SLC30A8: variants seen among roughly 807,000 people sequenced by gnomAD.
The protein encoded by SLC30A8 is proton-coupled zinc antiporter SLC30A8.
SLC30A8 carries 27 observed loss-of-function variants against 36.9 expected under a neutral mutation model. The observed-to-expected ratio is 0.73, with a 90% CI of 0.54 to 1.01. The LOEUF is 1.01. Ranked by LOEUF, SLC30A8 falls within the 50% of genes least tolerant of loss-of-function variation. SLC30A8 has a pLI of 0.00. For synonymous variants in SLC30A8, 164 were observed against 172.4 expected (o/e 0.95, Z 0.38); for missense variants, 439 against 452.0 (o/e 0.97, Z 0.26).
At chr8:117,156,967 G>T (rs1023934202) in intron 3 of SLC30A8, among the ~76,000 whole-genome samples, 3 of 152,118 alleles carry the variant, frequency 2.0e-5, no homozygotes, top group African/African-American at 7.2e-5. Context: ...GACCTTTCTG[G>T]GTTTTTAGAA....
At chr8:117,146,063 A>C (rs1821882195) in intron 1 of SLC30A8, among the ~76,000 whole-genome samples, 1 of 152,114 alleles carries the variant, frequency 6.6e-6, no homozygotes, top group Non-Finnish European at 1.5e-5. Flanking sequence ...GATCTGTGAG[A>C]TGACTATAGT....
chr8:117,012,342 A>T (rs1370620109), intron 1 of SLC30A8, among the ~76,000 whole-genome samples: 1 of 152,038 alleles, frequency 6.6e-6, no homozygotes. Flanking sequence ...GTATTTTAGC[A>T]GTTAATCTTC....
rs544726500 is a variant in SLC30A8, at chr8:117,107,089, A to G, written c.-225-28191A>G. Among the ~76,000 whole-genome samples, 8 of 152,292 alleles carry G rather than the reference A, an allele frequency of 5.3e-5. No individual in the cohort carries two copies. In the South Asian group the frequency reaches 1.2e-3, roughly 24 times the overall value. ...CATCCTAAGAGTTTCTCACAGGACTATTGATCTATTTTCTTATACTAGTGA... is the reference window on the plus strand; with the variant it reads ...CATCCTAAGAGTTTCTCACAGGACTGTTGATCTATTTTCTTATACTAGTGA... On this transcript the variant is annotated intron_variant, in intron 2 of 10. Transcript: ENST00000427715.
chr8:117,049,502 C>G (rs1047588231), intron 2 of SLC30A8, among the ~76,000 whole-genome samples: 1 of 152,186 alleles, frequency 6.6e-6, no homozygotes, highest in Admixed American at 6.5e-5. Flanking sequence ...GAGGTCCCAG[C>G]TGCAATCATT....
intron 1 of SLC30A8, among the ~76,000 whole-genome samples, chr8:117,036,664 A>G (rs1180899005): frequency 6.6e-6 from 1 of 152,050 alleles, no homozygotes; most frequent in Non-Finnish European, 1.5e-5. Flanking sequence ...AAACCATCAG[A>G]TCTCATGAGA....
intron 1 of SLC30A8, among the ~76,000 whole-genome samples, chr8:116,992,631 T>C (rs1380616640): frequency 6.6e-6 from 1 of 152,272 alleles, no homozygotes; most frequent in East Asian, 1.9e-4. Flanking sequence ...GCAGTCTCTC[T>C]ATGAGGAGCT....
At chr8:117,134,494 T>G (rs903374046), upstream of SLC30A8, among the ~76,000 whole-genome samples, 4 of 151,826 alleles carry the variant, frequency 2.6e-5, no homozygotes, top group African/African-American at 9.7e-5. Flanking sequence ...GAGTGTGAGG[T>G]CTCCCAGGAG....
At chr8:117,140,669 TA>T (rs1821612386) in intron 1 of SLC30A8, among the ~76,000 whole-genome samples, 1 of 151,916 alleles carries the variant, frequency 6.6e-6, no homozygotes, top group Non-Finnish European at 1.5e-5. Context: ...ATTCCTAAAA[TA>T]AAGATGAAAT....
intron 2 of SLC30A8, among the ~76,000 whole-genome samples, chr8:117,068,872 T>G (rs1025086866): frequency 3.3e-5 from 5 of 152,166 alleles, no homozygotes; most frequent in Non-Finnish European, 7.3e-5. Context: ...CCACTACATG[T>G]GGCAACCACT....
At chr8:117,055,150 C>T (rs969573921) in intron 2 of SLC30A8, among the ~76,000 whole-genome samples, 9 of 152,180 alleles carry the variant, frequency 5.9e-5, no homozygotes, top group African/African-American at 2.2e-4. Context: ...CAGTCCCTCT[C>T]CAGGGAGCAG....
At chr8:116,979,859 C>G (rs1460353771) in intron 1 of SLC30A8, among the ~76,000 whole-genome samples, 2 of 152,148 alleles carry the variant, frequency 1.3e-5, no homozygotes, top group African/African-American at 2.4e-5. Context: ...AAATAGCATT[C>G]TCTTGCAGCA....
intron 2 of SLC30A8, among the ~76,000 whole-genome samples, chr8:117,045,946 T>G (rs527571863): frequency 4.2e-4 from 64 of 152,030 alleles, no homozygotes; most frequent in Non-Finnish European, 6.5e-4. Context: ...TCTTTTTTCT[T>G]TCTTTTTTTT....
At chr8:117,117,999 T>C (rs1379507893) in intron 2 of SLC30A8, among the ~76,000 whole-genome samples, 2 of 151,880 alleles carry the variant, frequency 1.3e-5, no homozygotes, top group East Asian at 3.9e-4. Flanking sequence ...AACTTGAATG[T>C]GATGCTGAGA....
intron 1 of SLC30A8, among the ~76,000 whole-genome samples, chr8:117,025,670 A>G (rs1387399486): frequency 6.6e-6 from 1 of 152,112 alleles, no homozygotes; most frequent in African/African-American, 2.4e-5. Context: ...GATTGATCCT[A>G]TATCTCTAGG....
At chr8:116,970,510 T>G (rs7006656) in intron 1 of SLC30A8, among the ~76,000 whole-genome samples, 2,222 of 152,336 alleles carry the variant, frequency 0.015, 62 homozygotes, top group African/African-American at 0.05. Context: ...TATACTTTTA[T>G]ACGACTGGCA....
At chr8:117,044,867 C>T (rs1817499609) in intron 2 of SLC30A8, among the ~76,000 whole-genome samples, 2 of 152,216 alleles carry the variant, frequency 1.3e-5, no homozygotes, top group African/African-American at 2.4e-5. Flanking sequence ...TGGCTTCAAA[C>T]GCAGGCTCCT....
chr8:117,128,966 T>G lies in SLC30A8; in HGVS notation c.-225-6314T>G, dbSNP rs556212406. ...CTACAAATATACCAACTGAATGCAT[T>G]CAGCATGAAAACATGTTAGTTTCAG... On this transcript the variant is annotated intron_variant, in intron 2 of 10. Transcript: ENST00000427715. Among the ~76,000 whole-genome samples, 199 of 152,138 alleles carry G rather than the reference T, an allele frequency of 1.3e-3. 1 individual carries two copies. The highest frequency in any genetic ancestry group is 4.7e-3 in the African/African-American group (194 of 41,554).
At chr8:117,132,989 A>G (rs1417132987), upstream of SLC30A8, among the ~76,000 whole-genome samples, 1 of 151,968 alleles carries the variant, frequency 6.6e-6, no homozygotes, top group African/African-American at 2.4e-5. Context: ...AACTTTTGGG[A>G]TTCATAAATC....
chr8:117,048,106 A>G (rs1369228307), intron 2 of SLC30A8, among the ~76,000 whole-genome samples: 3 of 152,134 alleles, frequency 2.0e-5, no homozygotes, highest in African/African-American at 7.2e-5. Context: ...TTACTTTCCT[A>G]TATTTGGTTT....
Sources: gnomAD v4.1 joint callset for allele counts (sites outside exome capture counted in the v4.1 genomes callset) on GRCh38, gnomAD v4.1.1 for gene constraint, MANE v1.5 for transcripts, NCBI Gene and HGNC (gene_info 2026-07-23, HGNC 2026-07-21) for gene names.